GRIN2B: variants seen among roughly 807,000 people sequenced by gnomAD.
GRIN2B encodes glutamate ionotropic receptor NMDA type subunit 2B, also known as glutamate receptor ionotropic, NMDA 2B.
A neutral mutation model predicts 114.5 loss-of-function variants in GRIN2B; 5 were observed. The ratio of observed to expected loss-of-function variants is 0.04; its 90% CI spans 0.02 to 0.09. GRIN2B has a LOEUF of 0.09. Among genes scored for constraint, GRIN2B ranks in the 10% least tolerant of loss-of-function variants. The pLI, the probability that GRIN2B is intolerant of heterozygous loss-of-function variation, is 1.00. For missense variants in GRIN2B, 1,108 were observed against 1,943.5 expected, an observed-to-expected ratio of 0.57 and a Z score of 8.08; for synonymous variants, 787 against 745.1, an observed-to-expected ratio of 1.06 and a Z score of -0.92.
At chr12:13,919,184 C>A (rs970526646) in intron 2 of GRIN2B, among the ~76,000 whole-genome samples, 17 of 152,164 alleles carry the variant, frequency 1.1e-4, no homozygotes, top group African/African-American at 3.6e-4. Context: ...ACGGACCTAA[C>A]CTCCTTTAAC....
At chr12:13,713,476 T>C (rs1323987717) in intron 4 of GRIN2B, among the ~76,000 whole-genome samples, 2 of 151,884 alleles carry the variant, frequency 1.3e-5, no homozygotes, top group Non-Finnish European at 2.9e-5. Flanking sequence ...AATCTAATTA[T>C]TCTGAAAATT....
At chr12:13,951,325 A>G (rs1867474451) in intron 2 of GRIN2B, among the ~76,000 whole-genome samples, 1 of 152,162 alleles carries the variant, frequency 6.6e-6, no homozygotes, top group Non-Finnish European at 1.5e-5. Context: ...AAAAACCCAG[A>G]GTGATCCCTG....
At chr12:13,688,886 C>T (rs978159313) in intron 4 of GRIN2B, among the ~76,000 whole-genome samples, 1 of 152,158 alleles carries the variant, frequency 6.6e-6, no homozygotes, top group East Asian at 1.9e-4. Flanking sequence ...ATAAATTAGT[C>T]TCAGTACTTA....
At chr12:13,724,909 T>G (rs565055961) in intron 4 of GRIN2B, among the ~76,000 whole-genome samples, 1 of 152,226 alleles carries the variant, frequency 6.6e-6, no homozygotes, top group South Asian at 2.1e-4. Flanking sequence ...CAAAAATTAT[T>G]GCCAGATGCA....
intron 5 of GRIN2B, among the ~76,000 whole-genome samples, chr12:13,673,509 T>C (rs1950042288): frequency 1.3e-5 from 2 of 152,156 alleles, no homozygotes; most frequent in Admixed American, 6.5e-5. Context: ...CAGCCATATT[T>C]TGGACTAATC....
chr12:13,880,038 T>C (rs1210169261), intron 2 of GRIN2B, among the ~76,000 whole-genome samples: 1 of 152,164 alleles, frequency 6.6e-6, no homozygotes, highest in Non-Finnish European at 1.5e-5. Flanking sequence ...GAGTCAGAAT[T>C]CAGCCACAAG....
At chr12:13,707,643 C>G (rs112067116) in intron 4 of GRIN2B, among the ~76,000 whole-genome samples, 1 of 152,000 alleles carries the variant, frequency 6.6e-6, no homozygotes, top group Non-Finnish European at 1.5e-5. Context: ...CACCAGTGAA[C>G]AGCAGTTATA....
chr12:13,662,427 T>C (rs1179189613), intron 5 of GRIN2B, among the ~76,000 whole-genome samples: 1 of 152,220 alleles, frequency 6.6e-6, no homozygotes, highest in Non-Finnish European at 1.5e-5. Flanking sequence ...ACTAGCAACT[T>C]ATTTAAAATG....
intron 2 of GRIN2B, among the ~76,000 whole-genome samples, chr12:13,888,816 C>CA (rs1866210276): frequency 6.6e-6 from 1 of 150,532 alleles, no homozygotes; most frequent in African/African-American, 2.4e-5. Flanking sequence ...TGGTATAGGG[C>CA]ACTTACCACG....
intron 2 of GRIN2B, among the ~76,000 whole-genome samples, chr12:13,901,117 C>T (rs1866444404): frequency 6.6e-6 from 1 of 152,126 alleles, no homozygotes; most frequent in Admixed American, 6.5e-5. Context: ...AAGTATTCCT[C>T]TTCTACATTC....
At chr12:13,883,078 G>A (rs1265601045) in intron 2 of GRIN2B, among the ~76,000 whole-genome samples, 1 of 152,136 alleles carries the variant, frequency 6.6e-6, no homozygotes, top group Non-Finnish European at 1.5e-5. Context: ...ATTGTTGTGT[G>A]TATCAGAACT....
At chr12:13,674,454 C>T (rs1950051907) in intron 5 of GRIN2B, among the ~76,000 whole-genome samples, 2 of 152,060 alleles carry the variant, frequency 1.3e-5, no homozygotes, top group Non-Finnish European at 2.9e-5. Context: ...TGAGGTCTTT[C>T]AACTTGAAGA....
intron 10 of GRIN2B, among the ~76,000 whole-genome samples, chr12:13,594,671 T>TAAA (rs34596965): frequency 7.0e-6 from 1 of 142,320 alleles, no homozygotes; most frequent in Admixed American, 7.0e-5. Context: ...CTTAAAGTAT[T>TAAA]AAAAAAAAAA....
intron 2 of GRIN2B, among the ~76,000 whole-genome samples, chr12:13,927,050 G>A (rs934649544): frequency 4.6e-5 from 7 of 151,830 alleles, no homozygotes; most frequent in African/African-American, 1.7e-4. Context: ...ATGGCTGAGA[G>A]CATTTGAGTG....
chr12:13,818,486 T>C (rs1864871493), intron 3 of GRIN2B, among the ~76,000 whole-genome samples: 1 of 152,146 alleles, frequency 6.6e-6, no homozygotes, highest in Non-Finnish European at 1.5e-5. Flanking sequence ...AGTCTAAGAG[T>C]CACAGGTAAG....
intron 2 of GRIN2B, among the ~76,000 whole-genome samples, chr12:13,954,074 G>A (rs557439778): frequency 6.6e-6 from 1 of 152,294 alleles, no homozygotes; most frequent in African/African-American, 2.4e-5. Flanking sequence ...GCATAGCTAC[G>A]TACTTTGGTA....
chr12:13,887,439 A>G (rs954092744), intron 2 of GRIN2B, among the ~76,000 whole-genome samples: 7 of 152,164 alleles, frequency 4.6e-5, no homozygotes, highest in Admixed American at 1.3e-4. Flanking sequence ...TCTATCCTCA[A>G]AACTGAAAAA....
At chr12:13,941,624 C>A (rs879746686) in intron 2 of GRIN2B, among the ~76,000 whole-genome samples, 1 of 152,132 alleles carries the variant, frequency 6.6e-6, no homozygotes, top group East Asian at 1.9e-4. Flanking sequence ...TGAGGTAGAT[C>A]GGCATAAACT....
At chr12:13,600,616 A>C (rs1474209707) in intron 10 of GRIN2B, among the ~76,000 whole-genome samples, 3 of 152,278 alleles carry the variant, frequency 2.0e-5, no homozygotes, top group South Asian at 4.1e-4. Context: ...ATGATCAAAT[A>C]AAGTATCTTC....
Sources: gnomAD v4.1 joint callset for allele counts (sites outside exome capture counted in the v4.1 genomes callset) on GRCh38, gnomAD v4.1.1 for gene constraint, MANE v1.5 for transcripts, NCBI Gene and HGNC (gene_info 2026-07-23, HGNC 2026-07-21) for gene names.